The following VWA8 variants were observed in gnomAD, a reference collection of about 807,000 sequenced individuals.
The protein encoded by VWA8 is von Willebrand factor A domain containing 8.
In VWA8, 221 loss-of-function variants were observed where a neutral mutation model predicts 241.5. That is an observed-to-expected ratio of 0.91 (90% confidence interval 0.82 to 1.02). VWA8 has a LOEUF of 1.02. VWA8 is among the 50% of genes least tolerant of loss of function. VWA8 has a pLI of 0.00. For missense variants in VWA8, 2,322 were observed against 2,328.7 expected, an observed-to-expected ratio of 1.00 and a Z score of 0.06; for synonymous variants, 852 against 827.1, an observed-to-expected ratio of 1.03 and a Z score of -0.52.
Position 41,784,723 on chromosome 13 carries a change from T to TAC in VWA8, c.2171-823_2171-822insGT, listed in dbSNP as rs1566456303. ...ATATATATATATATATATATATATA[T>TAC]ATATATACACACACATATATATATA... On this transcript the variant is annotated intron_variant, in intron 18 of 44. Coordinates refer to ENST00000379310, the MANE Select transcript of VWA8 (RefSeq NM_015058.2). Among the ~76,000 whole-genome samples the TAC allele has an allele frequency of 8.5e-4, 62 of 72,896 alleles. 1 individual carries two copies. The highest frequency in any genetic ancestry group is 2.4e-3 in the African/African-American group (57 of 23,398). The allele number at this position is 72,896 out of a possible 152,430, so 47.8% of individuals were successfully genotyped here.
chr13:41,699,127 T>C lies in VWA8; in HGVS notation c.3508A>G (p.Thr1170Ala). 1 of 1,614,042 alleles carries C rather than the reference T, an allele frequency of 6.2e-7. No individual in the cohort carries two copies. The highest frequency in any genetic ancestry group is 8.5e-7 in the Non-Finnish European group (1 of 1,179,982). ...AGAGGACTTCCCAGCGGTGCCACTG[T>C]CACAAAAGGGTGCCAAACGCCATTG... ...TANGVWHPFV[T>A]VAPLGSPLKG... is the part of the protein sequence containing the mutation. Residue 1170 changes from threonine to alanine, a missense_variant, in exon 29 of 45, where the codon ACA becomes GCA. Physicochemically the swap from Thr to Ala is moderately conservative, Grantham distance 58 (BLOSUM62 0). Coordinates refer to ENST00000379310, the MANE Select transcript of VWA8 (RefSeq NM_015058.2).
At chr13:41,829,980 C>T (rs972632331) in intron 14 of VWA8, among the ~76,000 whole-genome samples, 7 of 152,246 alleles carry the variant, frequency 4.6e-5, no homozygotes, top group South Asian at 4.1e-4. Context: ...CAGTGGCTCA[C>T]GCCTGTAATC....
Position 41,841,806 on chromosome 13 carries a change from A to T in VWA8, c.1426-8275T>A, listed in dbSNP as rs1290909591. On this transcript the variant is annotated intron_variant, in intron 12 of 44. Transcript: ENST00000379310. The stretch of plus-strand genomic sequence containing the variant: ...TCTCAAAAAAAAAAAAAAAAAAAAA[A>T]AAAAAAAAAAAAAAATATATATATA... 8.5e-3 allele frequency among the ~76,000 whole-genome samples: 276 copies of T among 32,400 alleles called. 19 individuals carry two copies. Among genetic ancestry groups the T allele is most frequent in the Admixed American group, 0.031 (50 of 1,616 alleles). 21.3% of individuals were successfully genotyped at this position (32,400 alleles called of 152,430 possible). A position where few individuals can be genotyped will look rare whatever the true frequency, so the allele number is the denominator to read the frequency against.
intron 16 of VWA8, among the ~76,000 whole-genome samples, chr13:41,811,767 G>A (rs1272414470): frequency 1.3e-5 from 2 of 152,110 alleles, no homozygotes; most frequent in Non-Finnish European, 1.5e-5. Context: ...AAAAAGAGTT[G>A]TAAACAATTT....
chr13:41,858,360 C>T (rs1450911509), intron 12 of VWA8, among the ~76,000 whole-genome samples: 1 of 152,166 alleles, frequency 6.6e-6, no homozygotes, highest in African/African-American at 2.4e-5. Flanking sequence ...AATCCCACCA[C>T]TTTAGGAGGC....
At chr13:41,615,182 A>G in intron 37 of VWA8, 98 bp from the exon 38 acceptor site, 1 of 1,240,504 alleles carries the variant, frequency 8.1e-7, no homozygotes, top group Non-Finnish European at 1.1e-6. Flanking sequence ...TCCTTAAGGT[A>G]TCACATAACC....
intron 9 of VWA8, among the ~76,000 whole-genome samples, chr13:41,870,125 T>C (rs1013915185): frequency 2.0e-5 from 3 of 152,130 alleles, no homozygotes. Context: ...AAAAAAAACC[T>C]GTGAATTTAT....
At chr13:41,816,358 T>C (rs1870692600) in intron 16 of VWA8, among the ~76,000 whole-genome samples, 1 of 152,108 alleles carries the variant, frequency 6.6e-6, no homozygotes. Flanking sequence ...AAGCTGAACA[T>C]AAAGATGTAG....
chr13:41,777,152 C>G (rs377550067), intron 20 of VWA8, among the ~76,000 whole-genome samples: 412 of 152,250 alleles, frequency 2.7e-3, no homozygotes, highest in African/African-American at 8.4e-3. Flanking sequence ...AGGTACCATG[C>G]TAGGAGCTGA....
At chr13:41,701,303 T>A in intron 28 of VWA8, 89 bp downstream of exon 28, 2 of 1,435,310 alleles carry the variant, frequency 1.4e-6, no homozygotes, top group South Asian at 3.2e-5. Context: ...AAGTCTATCA[T>A]AAACTTTTTG....
intron 34 of VWA8, among the ~76,000 whole-genome samples, chr13:41,686,254 C>T (rs2045135381): frequency 6.6e-6 from 1 of 152,120 alleles, no homozygotes; most frequent in Non-Finnish European, 1.5e-5. Context: ...TCTGTCTGGT[C>T]CTTCTTCAGA....
At chr13:41,947,931 C>CAAAAAAAAA (rs1218456579) in intron 2 of VWA8, among the ~76,000 whole-genome samples, 5 of 20,506 alleles carry the variant, frequency 2.4e-4, no homozygotes, top group African/African-American at 4.7e-4. Context: ...GACCCTGTCT[C>CAAAAAAAAA]AAAAAAAAAA....
intron 40 of VWA8, among the ~76,000 whole-genome samples, chr13:41,597,818 C>T (rs1311133974): frequency 7.1e-6 from 1 of 141,664 alleles, no homozygotes; most frequent in Non-Finnish European, 1.6e-5. Context: ...CAAGAGGCAA[C>T]CCCACTCTTC....
rs1234586583 is a variant in VWA8, at chr13:41,575,799, C to T, written c.5311G>A (p.Gly1771Ser). ...VGHSGDGYNI[G>S]LVPMNKIPKD... ...GGGATTTTGTTCATTGGAACCAGAC[C>T]AATGTTGTAGCCATCTCCAGAGTGT... The change falls in exon 43 of 45, where the codon GGT (glycine) becomes AGT (serine). Residue 1771 changes from glycine to serine, a missense_variant. Coordinates refer to ENST00000379310, the MANE Select transcript of VWA8 (RefSeq NM_015058.2). 1 of 1,613,238 alleles carries T rather than the reference C, an allele frequency of 6.2e-7. No homozygotes were observed. Among genetic ancestry groups the T allele is most frequent in the Admixed American group, 1.7e-5 (1 of 59,936 alleles).
At chr13:41,815,005 G>A (rs1870628948) in intron 16 of VWA8, among the ~76,000 whole-genome samples, 1 of 152,136 alleles carries the variant, frequency 6.6e-6, no homozygotes, top group Non-Finnish European at 1.5e-5. Context: ...GAAATAAAAT[G>A]GAATAGAAAT....
In VWA8 at chr13:41,922,605, C is replaced by T. The variant is rs578252389; in HGVS notation, c.242-10437G>A. ...AATTACAAGAAAAAAACAAACAACC[C>T]GATCAACAAGTGGGCAAAGGATATG... On this transcript the variant is annotated intron_variant, in intron 2 of 44. Transcript: ENST00000379310. Among the ~76,000 whole-genome samples the T allele has an allele frequency of 9.2e-5, 14 of 152,240 alleles. No individual in the cohort carries two copies. The South Asian group carries it at 1.2e-3, about 14-fold the overall frequency.
chr13:41,671,148 C>A lies in VWA8; in HGVS notation c.4410-1G>T. Reference sequence around the variant, plus strand: ...GGTATACGGCGAGAGAGATTCTGATCTGGAAAAAGGAATCCAAGTGAAGCT... The same window carrying A: ...GGTATACGGCGAGAGAGATTCTGATATGGAAAAAGGAATCCAAGTGAAGCT... On this transcript the variant is annotated splice_acceptor_variant, in intron 36 of 44. Coordinates refer to ENST00000379310, the MANE Select transcript of VWA8 (RefSeq NM_015058.2). LOFTEE classifies it high-confidence loss of function. The A allele has an allele frequency of 6.2e-7, 1 of 1,613,566 alleles. No individual in the cohort carries two copies. Among genetic ancestry groups the A allele is most frequent in the South Asian group, 1.1e-5 (1 of 91,038 alleles).
chr13:41,665,049 T>G (rs1163916601), intron 37 of VWA8, among the ~76,000 whole-genome samples: 2 of 152,136 alleles, frequency 1.3e-5, no homozygotes. Context: ...TGACAAAATT[T>G]TTTCCAAACA....
At chr13:41,750,565 G>A (rs568476730) in intron 21 of VWA8, among the ~76,000 whole-genome samples, 1 of 152,038 alleles carries the variant, frequency 6.6e-6, no homozygotes, top group South Asian at 2.1e-4. Context: ...ACGGTTAAGA[G>A]AAATTGAAAT....
Sources: allele counts gnomAD v4.1 joint callset (sites outside exome capture counted in the v4.1 genomes callset), GRCh38; gene constraint gnomAD v4.1.1; transcripts MANE v1.5; gene names NCBI Gene and HGNC (gene_info 2026-07-23, HGNC 2026-07-21).